The following RPS29 variants were observed in gnomAD, a reference collection of about 807,000 sequenced individuals.
RPS29 encodes the protein small ribosomal subunit protein uS14.
For missense variants in RPS29, 60 were observed against 75.7 expected (o/e 0.79, Z 0.77); for synonymous variants, 37 against 26.9 (o/e 1.37, Z -1.16).
intron 1 of RPS29, chr14:49,592,363 G>GTTTTTTT (rs550587874): frequency 9.6e-6 from 1 of 103,688 alleles, no homozygotes; most frequent in African/African-American, 3.6e-5. Flanking sequence ...TAAAGTCTAT[G>GTTTTTTT]TTTTTTTTTT....
downstream of RPS29, among the ~76,000 whole-genome samples, chr14:49,579,810 A>G (rs992995017): frequency 6.6e-6 from 1 of 152,204 alleles, no homozygotes; most frequent in Admixed American, 6.6e-5. Flanking sequence ...CTAACCATAC[A>G]ATAAGTGTGT....
upstream of RPS29, among the ~76,000 whole-genome samples, chr14:49,588,876 C>T (rs1052665733): frequency 1.4e-3 from 134 of 92,490 alleles, 1 homozygote; most frequent in Middle Eastern, 8.8e-3. Context: ...TTTCTGAGTC[C>T]TTTTTTTTTT....
At chr14:49,575,587 C>G (rs749923854) in exon 3 of RPS29, 10 of 152,214 alleles carry the variant, frequency 6.6e-5, no homozygotes, top group Non-Finnish European at 1.3e-4. Flanking sequence ...TGGCTCACCC[C>G]TGTGATCCCA....
chr14:49,576,706 C>T (rs936892347), exon 3 of RPS29: 1 of 151,396 alleles, frequency 6.6e-6, no homozygotes, highest in Non-Finnish European at 1.5e-5. Context: ...GTGAGAGGGA[C>T]CCGGTGGGAG....
intron 2 of RPS29, chr14:49,585,577 T>G (rs1343627634): frequency 3.1e-6 from 1 of 324,894 alleles, no homozygotes; most frequent in Non-Finnish European, 5.5e-6. Flanking sequence ...AGGGAGACCC[T>G]ATCTCTAAAA....
chr14:49,588,567 G>A (rs1566484464), upstream of RPS29, among the ~76,000 whole-genome samples: 1 of 151,074 alleles, frequency 6.6e-6, no homozygotes, highest in Non-Finnish European at 1.5e-5. Context: ...TCACTCTGTC[G>A]CCCAGGCTGG....
At chr14:49,578,389 A>C (rs978294838) in intron 2 of RPS29, among the ~76,000 whole-genome samples, 1 of 151,974 alleles carries the variant, frequency 6.6e-6, no homozygotes, top group African/African-American at 2.4e-5. Context: ...AAATCACATC[A>C]CCCAAAGTCA....
chr14:49,586,054 A>G lies in RPS29; in HGVS notation c.63-5T>C, dbSNP rs760344297. The G allele has an allele frequency of 6.2e-7, 1 of 1,611,418 alleles. No homozygotes were observed. Among genetic ancestry groups the G allele is most frequent in the Non-Finnish European group, 8.5e-7 (1 of 1,177,726 alleles). ...TGCCGGTTTGAACAGACACGACTGT[A>G]AGAAAAGAGACAGCGGTTTTGCAGG... On this transcript the variant is annotated splice_region_variant and splice_polypyrimidine_tract_variant and intron_variant, in intron 1 of 2. Coordinates refer to ENST00000245458, the MANE Select transcript of RPS29 (RefSeq NM_001032.5).
upstream of RPS29, among the ~76,000 whole-genome samples, chr14:49,589,753 T>C (rs1283572663): frequency 6.6e-6 from 1 of 152,228 alleles, no homozygotes; most frequent in Non-Finnish European, 1.5e-5. Flanking sequence ...CGCAGCACTA[T>C]TCACAATAGC....
intron 1 of RPS29, 33 bp from the exon 2 acceptor site, chr14:49,586,082 A>C: frequency 6.3e-7 from 1 of 1,589,422 alleles, no homozygotes; most frequent in Non-Finnish European, 8.6e-7. Context: ...TTTGCAGGTC[A>C]TAGAAATTAC....
At chr14:49,584,768 A>C (rs1881461925) in intron 2 of RPS29, among the ~76,000 whole-genome samples, 1 of 144,258 alleles carries the variant, frequency 6.9e-6, no homozygotes, top group African/African-American at 2.6e-5. Flanking sequence ...TTTCAAAACA[A>C]AAAAAAAAAT....
At position 49,586,069 on chromosome 14, in the gene RPS29, G is replaced by A. The variant is rs377176404; in HGVS notation, c.63-20C>T. ...ACACGACTGTAAGAAAAGAGACAGC[G>A]GTTTTGCAGGTCATAGAAATTACAA... is the stretch of plus-strand genomic sequence containing the variant. On this transcript the variant is annotated intron_variant, in intron 1 of 2. Transcript: ENST00000245458. 29 of 1,600,274 alleles carry A rather than the reference G, an allele frequency of 1.8e-5. No individual in the cohort carries two copies. The East Asian group carries it at 4.2e-4, about 23-fold the overall frequency.
At chr14:49,587,616 T>C (rs1202446032), upstream of RPS29, among the ~76,000 whole-genome samples, 2 of 152,218 alleles carry the variant, frequency 1.3e-5, no homozygotes, top group Non-Finnish European at 2.9e-5. Context: ...ATTTGTAAAC[T>C]AGATATAACT....
chr14:49,582,573 G>A (rs1881371952), downstream of RPS29, among the ~76,000 whole-genome samples: 2 of 152,156 alleles, frequency 1.3e-5, no homozygotes, highest in South Asian at 2.1e-4. Flanking sequence ...CAATTGAGAA[G>A]TTTTCATTCA....
chr14:49,585,883 C>T, intron 2 of RPS29, 67 bp downstream of exon 2: 1 of 1,239,820 alleles, frequency 8.1e-7, no homozygotes, highest in Non-Finnish European at 1.2e-6. Context: ...GTTTGTCTTT[C>T]GCGGAAAAAA....
chr14:49,580,258 CTTT>C (rs932526372), downstream of RPS29, among the ~76,000 whole-genome samples: 8 of 152,194 alleles, frequency 5.3e-5, no homozygotes, highest in African/African-American at 1.9e-4. Flanking sequence ...ATCTCCCAAA[CTTT>C]TTTACATTTG....
chr14:49,598,293 C>T, intron 1 of RPS29: 1 of 605,652 alleles, frequency 1.7e-6, no homozygotes, highest in Non-Finnish European at 3.0e-6. Context: ...CGGGCCCCGT[C>T]CTAGTTCAAT....
intron 2 of RPS29, 84 bp downstream of exon 2, chr14:49,585,866 T>A: frequency 9.7e-7 from 1 of 1,032,442 alleles, no homozygotes; most frequent in Non-Finnish European, 1.5e-6. Flanking sequence ...CCAGGGAAGA[T>A]CTGTCCGTTT....
At chr14:49,576,852 GTGCCTTT>G (rs1881195822) in exon 3 of RPS29, 1 of 152,204 alleles carries the variant, frequency 6.6e-6, no homozygotes, top group Non-Finnish European at 1.5e-5. Context: ...CATCTAAGAA[GTGCCTTT>G]TGCCTTCTAC....
Sources: gnomAD v4.1 joint callset for allele counts (sites outside exome capture counted in the v4.1 genomes callset) on GRCh38, gnomAD v4.1.1 for gene constraint, MANE v1.5 for transcripts, NCBI Gene and HGNC (gene_info 2026-07-23, HGNC 2026-07-21) for gene names.